The following DCC variants were observed in gnomAD, a reference collection of about 807,000 sequenced individuals.
The protein encoded by DCC is netrin receptor DCC.
DCC carries 58 observed loss-of-function variants against 172.5 expected under a neutral mutation model. That is an observed-to-expected ratio of 0.34 (90% CI 0.27 to 0.42). The LOEUF (loss-of-function observed/expected upper bound fraction) is 0.42, where lower values mean the gene tolerates loss of function less well. Among genes scored for constraint, DCC ranks in the 10% least tolerant of loss-of-function variants. The pLI is 1.00. For missense variants in DCC, 1,740 were observed against 1,791.0 expected, an observed-to-expected ratio of 0.97 and a Z score of 0.51; for synonymous variants, 709 against 644.5, an observed-to-expected ratio of 1.10 and a Z score of -1.52.
At chr18:52,619,287 A>G (rs2034438946) in intron 1 of DCC, among the ~76,000 whole-genome samples, 1 of 152,238 alleles carries the variant, frequency 6.6e-6, no homozygotes, top group Non-Finnish European at 1.5e-5. Flanking sequence ...TGTTTAGGAA[A>G]GATATCTAGC....
chr18:52,796,061 C>T (rs1222289375), intron 2 of DCC, among the ~76,000 whole-genome samples: 4 of 143,116 alleles, frequency 2.8e-5, no homozygotes, highest in Admixed American at 6.9e-5. Context: ...GGTACAGTTA[C>T]TTTTTTTTTT....
chr18:52,595,573 C>G (rs1145296), intron 1 of DCC, among the ~76,000 whole-genome samples: 19,975 of 152,140 alleles, frequency 0.13, 1,647 homozygotes, highest in Non-Finnish European at 0.19. Context: ...TTAAACATGC[C>G]ATTCTCTCCA....
At chr18:53,243,125 TC>T (rs987267401) in intron 12 of DCC, among the ~76,000 whole-genome samples, 20 of 152,068 alleles carry the variant, frequency 1.3e-4, no homozygotes, top group Non-Finnish European at 1.0e-4. Flanking sequence ...GAGAAAACAG[TC>T]CTATTTTGGT....
intron 2 of DCC, among the ~76,000 whole-genome samples, chr18:52,905,546 T>C (rs2039869339): frequency 6.6e-6 from 1 of 152,166 alleles, no homozygotes; most frequent in African/African-American, 2.4e-5. Context: ...CTATCATCCC[T>C]CTTTCTTGAA....
intron 1 of DCC, among the ~76,000 whole-genome samples, chr18:52,472,761 C>T (rs368048703): frequency 3.1e-4 from 47 of 152,068 alleles, no homozygotes; most frequent in South Asian, 4.2e-4. Flanking sequence ...AAAAATTAGC[C>T]GGGTAAGGTG....
chr18:52,835,295 AT>A (rs147156756), intron 2 of DCC, among the ~76,000 whole-genome samples: 7,631 of 152,294 alleles, frequency 0.05, 662 homozygotes, highest in African/African-American at 0.17. Context: ...GAATAATTCA[AT>A]TTTAAAACAC....
chr18:53,066,379 ATATATATATATATATATATG>A (rs1386865836), intron 7 of DCC, among the ~76,000 whole-genome samples: 2 of 62,628 alleles, frequency 3.2e-5, no homozygotes. Flanking sequence ...ATATATATAT[ATATATATATATATATATATG>A]TGCATGTGTG....
chr18:53,519,157 T>C (rs188763737), intron 27 of DCC, among the ~76,000 whole-genome samples: 172 of 152,238 alleles, frequency 1.1e-3, no homozygotes, highest in African/African-American at 3.6e-3. Flanking sequence ...TGTGTAATTT[T>C]CATAGCTAAT....
chr18:53,398,584 T>C (rs1238340868), intron 18 of DCC, among the ~76,000 whole-genome samples: 1 of 152,126 alleles, frequency 6.6e-6, no homozygotes, highest in Non-Finnish European at 1.5e-5. Flanking sequence ...TGTAGATAAA[T>C]GTGAAATAGT....
At position 52,671,532 on chromosome 18, in the gene DCC, C is replaced by CTTT. The variant is rs761856360; in HGVS notation, c.92-80503_92-80501dup. ...GCATTGCTCAGTATCATATGCCAAC[C>CTTT]TTTTTTTTTTTTTTTTTTTTTGAGA... is the stretch of plus-strand genomic sequence containing the variant. On this transcript the variant is annotated intron_variant, in intron 1 of 28. Coordinates refer to ENST00000442544, the MANE Select transcript of DCC (RefSeq NM_005215.4). 1.3e-3 allele frequency among the ~76,000 whole-genome samples: 156 copies of CTTT among 116,974 alleles called. 2 individuals carry two copies. The highest frequency in any genetic ancestry group is 4.2e-3 in the African/African-American group (131 of 31,544). The allele number at this position is 116,974 out of a possible 152,430, so 76.7% of individuals were successfully genotyped here.
In DCC at chr18:52,711,195, G is replaced by A. The variant is rs145580455; in HGVS notation, c.92-40859G>A. Among the ~76,000 whole-genome samples, 543 of 152,146 alleles carry A rather than the reference G, an allele frequency of 3.6e-3. 6 individuals carry two copies. Among genetic ancestry groups the A allele is most frequent in the African/African-American group, 0.012 (513 of 41,510 alleles). ...TGTTTATTCTGTCTCCTTATTGGAC[G>A]ATAAAGATATAAGGATGAGACCTTG... On this transcript the variant is annotated intron_variant, in intron 1 of 28. Transcript: ENST00000442544.
chr18:52,922,474 C>T (rs2040141479), intron 3 of DCC, among the ~76,000 whole-genome samples: 1 of 152,126 alleles, frequency 6.6e-6, no homozygotes, highest in Non-Finnish European at 1.5e-5. Flanking sequence ...CCTCACTCAG[C>T]GATTCTCCTC....
chr18:53,261,058 A>G (rs753040467), intron 12 of DCC, among the ~76,000 whole-genome samples: 1 of 152,146 alleles, frequency 6.6e-6, no homozygotes, highest in Non-Finnish European at 1.5e-5. Flanking sequence ...GGAAAAGTGC[A>G]GTATTAGGGT....
At chr18:52,977,162 C>T (rs1451018434) in intron 5 of DCC, among the ~76,000 whole-genome samples, 1 of 151,904 alleles carries the variant, frequency 6.6e-6, no homozygotes, top group Non-Finnish European at 1.5e-5. Context: ...TTTCTTACCC[C>T]TCATAACTAA....
chr18:52,925,840 A>G (rs149556113), intron 5 of DCC, among the ~76,000 whole-genome samples: 53 of 151,824 alleles, frequency 3.5e-4, no homozygotes, highest in African/African-American at 1.2e-3. Flanking sequence ...GAACCATTAA[A>G]ATAAAGTATA....
chr18:52,840,573 G>A (rs1364953449), intron 2 of DCC, among the ~76,000 whole-genome samples: 3 of 151,990 alleles, frequency 2.0e-5, no homozygotes, highest in Non-Finnish European at 4.4e-5. Flanking sequence ...TTAACCTAAC[G>A]AAACTGTCCC....
In DCC at chr18:52,964,451, T is replaced by C. The variant is rs1393717768; in HGVS notation, c.985+39081T>C. On this transcript the variant is annotated intron_variant, in intron 5 of 28. Transcript: ENST00000442544. ...AGGGAGCCTGAGAGAAACTTTGTGATTGTGGCTTTTTTAATCTCAATTTTT... is the reference window on the plus strand; with the variant it reads ...AGGGAGCCTGAGAGAAACTTTGTGACTGTGGCTTTTTTAATCTCAATTTTT... Among the ~76,000 whole-genome samples the C allele has an allele frequency of 3.9e-5, 6 of 152,268 alleles. No homozygotes were observed. The East Asian group carries it at 5.8e-4, about 15-fold the overall frequency.
chr18:52,752,536 T>C (rs536274413), intron 2 of DCC, among the ~76,000 whole-genome samples, 162 bp downstream of exon 2: 2 of 152,340 alleles, frequency 1.3e-5, no homozygotes, highest in Admixed American at 1.3e-4. Context: ...TACAATGTCA[T>C]GTTTTGATGT....
intron 7 of DCC, among the ~76,000 whole-genome samples, chr18:53,072,355 G>A (rs888965605): frequency 6.6e-6 from 1 of 152,196 alleles, no homozygotes; most frequent in Non-Finnish European, 1.5e-5. Context: ...ATTATCTGGA[G>A]CTGGGGAGCA....
Sources: allele counts gnomAD v4.1 joint callset (sites outside exome capture counted in the v4.1 genomes callset), GRCh38; gene constraint gnomAD v4.1.1; transcripts MANE v1.5; gene names NCBI Gene and HGNC (gene_info 2026-07-23, HGNC 2026-07-21).